TGFB2: variants seen among roughly 807,000 people sequenced by gnomAD.
The protein encoded by TGFB2 is transforming growth factor beta 2, also known as transforming growth factor beta-2 proprotein.
TGFB2 carries 13 observed loss-of-function variants against 42.7 expected under a neutral mutation model. That is an observed-to-expected ratio of 0.30 (90% CI 0.20 to 0.48). The LOEUF (loss-of-function observed/expected upper bound fraction) is 0.48. Ranked by LOEUF, TGFB2 falls within the 20% of genes least tolerant of loss-of-function variation. The pLI is 0.99. For missense variants in TGFB2, 390 were observed against 517.5 expected (o/e 0.75, Z 2.39); for synonymous variants, 193 against 193.6 (o/e 1.00, Z 0.03).
At chr1:218,397,032 C>T (rs559111413) in intron 1 of TGFB2, among the ~76,000 whole-genome samples, 7 of 152,086 alleles carry the variant, frequency 4.6e-5, no homozygotes, top group African/African-American at 1.7e-4. Context: ...CTTTGGGAGG[C>T]GGAGGCAGTG....
At chr1:218,379,034 A>G (rs1657854993) in intron 1 of TGFB2, among the ~76,000 whole-genome samples, 1 of 151,870 alleles carries the variant, frequency 6.6e-6, no homozygotes, top group Admixed American at 6.6e-5. Flanking sequence ...AGTCCTTAAA[A>G]CATGACCTGC....
At chr1:218,377,431 A>G (rs2102560937) in intron 1 of TGFB2, among the ~76,000 whole-genome samples, 1 of 152,344 alleles carries the variant, frequency 6.6e-6, no homozygotes, top group East Asian at 1.9e-4. Context: ...GTGGCTTTGA[A>G]TATGGTATGT....
chr1:218,424,715 G>C (rs1344971357), intron 2 of TGFB2, among the ~76,000 whole-genome samples: 2 of 152,146 alleles, frequency 1.3e-5, no homozygotes, highest in African/African-American at 4.8e-5. Context: ...GGAAAAATCT[G>C]ACTTAACAAC....
At chr1:218,389,754 A>C (rs182588211) in intron 1 of TGFB2, among the ~76,000 whole-genome samples, 1 of 152,348 alleles carries the variant, frequency 6.6e-6, no homozygotes, top group African/African-American at 2.4e-5. Context: ...AGGTATTCAG[A>C]TGCAATTGTA....
chr1:218,436,036 A>G lies in TGFB2; in HGVS notation c.821A>G (p.Asn274Ser), dbSNP rs559315266. Residue 274 changes from asparagine (N) to serine (S), a missense_variant, in exon 5 of 7, where the codon AAC becomes AGC. Physicochemically the swap from Asn to Ser is conservative, Grantham distance 46. Transcript: ENST00000366930. ...QKTIKSTRKKNSGKTPHLLLM... is the reference protein window; with the variant it reads ...QKTIKSTRKKSSGKTPHLLLM... ...ACTATAAAGTCCACTAGGAAAAAAA[A>G]CAGTGGGAAGACCCCACATCTCCTG... The G allele has an allele frequency of 6.2e-7, 1 of 1,614,166 alleles. No homozygotes were observed.
intron 2 of TGFB2, among the ~76,000 whole-genome samples, chr1:218,425,368 C>T (rs973662194): frequency 6.6e-6 from 1 of 151,914 alleles, no homozygotes; most frequent in Non-Finnish European, 1.5e-5. Flanking sequence ...CCACCACGCC[C>T]GGCTAATTTT....
intron 2 of TGFB2, 174 bp downstream of exon 2, chr1:218,405,506 A>G: frequency 3.6e-6 from 4 of 1,099,862 alleles, no homozygotes; most frequent in South Asian, 1.3e-5. Context: ...ATGGGACTGC[A>G]GGAGTGCACC....
chr1:218,374,019 A>C (rs542805299), intron 1 of TGFB2, among the ~76,000 whole-genome samples: 157 of 152,226 alleles, frequency 1.0e-3, no homozygotes, highest in Non-Finnish European at 2.0e-3. Flanking sequence ...ATAGCTTCTT[A>C]TGTGAATCTA....
chr1:218,395,311 C>T lies in TGFB2; in HGVS notation c.347-9858C>T, dbSNP rs1481114771. On this transcript the variant is annotated intron_variant, in intron 1 of 6. Transcript: ENST00000366930. The stretch of plus-strand genomic sequence containing the variant: ...CAGGTGCGTTCTCTTAGGGAGTATC[C>T]GTGAAAATACTATGGCCTTGCATTA... Among the ~76,000 whole-genome samples, 3 of 152,272 alleles carry T rather than the reference C, an allele frequency of 2.0e-5. No homozygotes were observed. In the East Asian group the frequency reaches 5.8e-4, roughly 29 times the overall value.
intron 2 of TGFB2, among the ~76,000 whole-genome samples, chr1:218,429,606 A>AT (rs150121444): frequency 0.017 from 2,627 of 152,304 alleles, 39 homozygotes; most frequent in Non-Finnish European, 0.026. Context: ...TTGGCTATAT[A>AT]TCTTAAGAAT....
chr1:218,412,496 T>C (rs149847994), intron 2 of TGFB2, among the ~76,000 whole-genome samples: 12 of 152,342 alleles, frequency 7.9e-5, no homozygotes, highest in Middle Eastern at 3.4e-3. Flanking sequence ...ACGACCTTCC[T>C]CGTGTTTCAG....
intron 1 of TGFB2, among the ~76,000 whole-genome samples, chr1:218,368,118 A>T (rs928377032): frequency 5.5e-5 from 8 of 145,184 alleles, no homozygotes; most frequent in African/African-American, 2.1e-4. Context: ...GGACATTCTT[A>T]TGATATATTA....
chr1:218,382,694 T>C (rs10482750), intron 1 of TGFB2, among the ~76,000 whole-genome samples: 15,919 of 152,244 alleles, frequency 0.1, 897 homozygotes, highest in East Asian at 0.2. Context: ...GGGATGATTT[T>C]CTATCACTTG....
chr1:218,405,060 A>T lies in TGFB2; in HGVS notation c.347-109A>T, dbSNP rs577177047. ...GGTATTAAACTGGCCGTTGGAAACT[A>T]TTCTGTAGATATTTCCCTTATGGTT... On this transcript the variant is annotated intron_variant, in intron 1 of 6. Coordinates refer to ENST00000366930, the MANE Select transcript of TGFB2 (RefSeq NM_003238.6). 3.2e-6 allele frequency: 4 copies of T among 1,265,562 alleles called. No homozygotes were observed. The Admixed American group carries it at 9.2e-5, about 29-fold the overall frequency. 78.4% of individuals were successfully genotyped at this position (1,265,562 alleles called of 1,614,324 possible).
intron 6 of TGFB2, among the ~76,000 whole-genome samples, chr1:218,438,588 T>C (rs1314123226): frequency 6.6e-6 from 1 of 152,198 alleles, no homozygotes; most frequent in Non-Finnish European, 1.5e-5. Flanking sequence ...TACTTTTTTT[T>C]TAATGTAACA....
chr1:218,393,523 C>G (rs986084546), intron 1 of TGFB2, among the ~76,000 whole-genome samples: 1 of 152,114 alleles, frequency 6.6e-6, no homozygotes, highest in Non-Finnish European at 1.5e-5. Context: ...ATATGGTTAT[C>G]TGTGTCATGG....
chr1:218,437,873 A>G (rs1308178569), intron 6 of TGFB2, among the ~76,000 whole-genome samples: 3 of 152,190 alleles, frequency 2.0e-5, no homozygotes, highest in African/African-American at 7.2e-5. Context: ...AATTGCATAT[A>G]TTAATGAGGT....
intron 1 of TGFB2, 55 bp from the exon 2 acceptor site, chr1:218,405,114 C>G (rs1279329932): frequency 6.6e-7 from 1 of 1,523,764 alleles, no homozygotes; most frequent in East Asian, 2.3e-5. Context: ...CTACAGTCTT[C>G]TCTGAAAGCA....
intron 1 of TGFB2, among the ~76,000 whole-genome samples, chr1:218,360,104 A>G (rs1657162824): frequency 6.6e-6 from 1 of 152,208 alleles, no homozygotes; most frequent in African/African-American, 2.4e-5. Flanking sequence ...TTATAAATGT[A>G]GATTCCCAAG....
Sources: gnomAD v4.1 joint callset for allele counts (sites outside exome capture counted in the v4.1 genomes callset) on GRCh38, gnomAD v4.1.1 for gene constraint, MANE v1.5 for transcripts, NCBI Gene and HGNC (gene_info 2026-07-23, HGNC 2026-07-21) for gene names.